MUC6: variants seen among roughly 807,000 people sequenced by gnomAD.
MUC6 encodes mucin 6, oligomeric mucus/gel-forming (gene/pseudogene).
In MUC6, 188 loss-of-function variants were observed where a neutral mutation model predicts 201.5. The ratio of observed to expected loss-of-function variants is 0.93; its 90% CI spans 0.83 to 1.05. The LOEUF (loss-of-function observed/expected upper bound fraction) is 1.05. MUC6 is among the 50% of genes least tolerant of loss of function. MUC6 has a pLI of 0.00. For missense variants in MUC6, 2,706 were observed against 3,256.9 expected, an observed-to-expected ratio of 0.83 and a Z score of 4.12; for synonymous variants, 1,228 against 1,389.4, an observed-to-expected ratio of 0.88 and a Z score of 2.58.
rs1856512516 is a variant in MUC6, at chr11:1,013,058, C to T, written c.*398G>A. On this transcript the variant is annotated 3_prime_UTR_variant, in exon 33 of 33. Transcript: ENST00000421673. Reference sequence around the variant, plus strand: ...CCCATCTCGGCACAGGTTTCCGTGCCCTCCTCGCCCCTGATGGGTCTGGTC... The same window carrying T: ...CCCATCTCGGCACAGGTTTCCGTGCTCTCCTCGCCCCTGATGGGTCTGGTC... 5.0e-6 allele frequency: 1 copy of T among 201,582 alleles called. No homozygotes were observed. The highest frequency in any genetic ancestry group is 1.0e-5 in the Non-Finnish European group (1 of 100,248). 12.5% of individuals were successfully genotyped at this position (201,582 alleles called of 1,614,324 possible).
chr11:1,035,909 C>T (rs1474117559), intron 1 of MUC6, among the ~76,000 whole-genome samples: 8 of 152,126 alleles, frequency 5.3e-5, no homozygotes. Flanking sequence ...CACAGAGGGA[C>T]CCCTTGGGGC....
At position 1,031,718 on chromosome 11, in the gene MUC6, G is replaced by A; in HGVS notation, c.372C>T (p.Pro124=). The change falls in exon 4 of 33, where the codon CCC becomes CCT. Residue 124 remains proline (P), a synonymous_variant. Coordinates refer to ENST00000421673, the MANE Select transcript of MUC6 (RefSeq NM_005961.3). ...TGATCTGGAGTCCATTGCTGGTATA[G>A]GGCAGGCTGATGACCCTGTGGGGCA... is the stretch of plus-strand genomic sequence containing the variant. ...SVKDIGVISL[P]YTSNGLQITP... The A allele has an allele frequency of 6.4e-7, 1 of 1,550,786 alleles. No individual in the cohort carries two copies. The highest frequency in any genetic ancestry group is 1.2e-5 in the South Asian group (1 of 84,066).
intron 7 of MUC6, 50 bp downstream of exon 7, chr11:1,030,523 T>G (rs1188135003): frequency 6.8e-7 from 1 of 1,463,144 alleles, no homozygotes; most frequent in Non-Finnish European, 9.0e-7. Flanking sequence ...GAGAGCTGGG[T>G]CTGGAGCCCT....
At chr11:1,034,793 G>A (rs561164438) in intron 1 of MUC6, among the ~76,000 whole-genome samples, 1 of 152,280 alleles carries the variant, frequency 6.6e-6, no homozygotes, top group African/African-American at 2.4e-5. Context: ...TGCCAGGCTG[G>A]CTTCACTGCC....
In MUC6 at chr11:1,015,963, C is replaced by A; in HGVS notation, c.6838G>T (p.Val2280Phe). 1.3e-6 allele frequency: 2 copies of A among 1,592,508 alleles called. No homozygotes were observed. The highest frequency in any genetic ancestry group is 8.6e-7 in the Non-Finnish European group (1 of 1,166,598). Residue 2280 changes from valine to phenylalanine, a missense_variant, in exon 31 of 33, where the codon GTT becomes TTT. Physicochemically the swap from Val to Phe is conservative, Grantham distance 50 (BLOSUM62 -1). Around this residue, in one of 10 missense-constraint regions of MUC6, gnomAD observed 586 missense variants for 488.0 expected, o/e 1.20. Coordinates refer to ENST00000421673, the MANE Select transcript of MUC6 (RefSeq NM_005961.3). Reference protein sequence around the residue: ...TSRSTSLTTRVPTSGFVSLTS... With the variant: ...TSRSTSLTTRFPTSGFVSLTS... ...AGTGACACAAAGCCTGATGTGGGAA[C>A]TCGGGTGGTGAGAGAAGTGGACCGC...
Position 1,028,634 on chromosome 11 carries a change from G to T in MUC6, c.1591+12C>A, listed in dbSNP as rs760058709. 2.5e-6 allele frequency: 4 copies of T among 1,605,208 alleles called. No individual in the cohort carries two copies. Among genetic ancestry groups the T allele is most frequent in the South Asian group, 2.2e-5 (2 of 89,516 alleles). On this transcript the variant is annotated intron_variant, in intron 13 of 32. Transcript: ENST00000421673. ...TGAGGCAACAGGGCCACCTGGAGAG[G>T]CAGGGACTCACCTCTGGTCTGACCT...
rs1006223913 is a variant in MUC6 at position 1,013,296 on chromosome 11, C to G, written c.*160G>C. 2.9e-6 allele frequency: 2 copies of G among 698,916 alleles called. No individual in the cohort carries two copies. The highest frequency in any genetic ancestry group is 2.8e-5 in the East Asian group (1 of 35,796). The allele number at this position is 698,916 out of a possible 1,614,324, so 43.3% of individuals were successfully genotyped here. A position where few individuals can be genotyped will look rare whatever the true frequency, so the allele number is the denominator to read the frequency against. The stretch of plus-strand genomic sequence containing the variant: ...TCTGAGCCCCTGCTTGGCAGCCCCT[C>G]TCCAACCGGTGCCCCAGGGAGCCAC... On this transcript the variant is annotated 3_prime_UTR_variant, in exon 33 of 33. Coordinates refer to ENST00000421673, the MANE Select transcript of MUC6 (RefSeq NM_005961.3).
chr11:1,027,308 T>C lies in MUC6; in HGVS notation c.2191A>G (p.Ile731Val). 6.2e-7 allele frequency: 1 copy of C among 1,612,860 alleles called. No homozygotes were observed. The highest frequency in any genetic ancestry group is 1.1e-5 in the South Asian group (1 of 91,076). Reference protein sequence around the residue: ...CPCILEGYKFILAEQSTVING... With the variant: ...CPCILEGYKFVLAEQSTVING... ...ATGACAGTGGACTGCTCGGCCAGGA[T>C]GAACTTGTAACCCTCCAGTATGCAC... The change falls in exon 17 of 33, where the codon ATC becomes GTC. Residue 731 changes from isoleucine to valine, a missense_variant. Physicochemically the swap from Ile to Val is conservative, Grantham distance 29. Coordinates refer to ENST00000421673, the MANE Select transcript of MUC6 (RefSeq NM_005961.3).
Position 1,026,147 on chromosome 11 carries a change from G to A in MUC6, c.2547-6C>T, listed in dbSNP as rs1856954203. 1.3e-6 allele frequency: 2 copies of A among 1,590,994 alleles called. No homozygotes were observed. The highest frequency in any genetic ancestry group is 1.7e-6 in the Non-Finnish European group (2 of 1,170,056). On this transcript the variant is annotated splice_region_variant and splice_polypyrimidine_tract_variant and intron_variant, in intron 20 of 32. Coordinates refer to ENST00000421673, the MANE Select transcript of MUC6 (RefSeq NM_005961.3). ...ACCTCCCCCTTGAGCAGGAGCTGTG[G>A]AGACAGCAGGTGTGGGTGGTGGGCC...
chr11:1,033,666 CCAGGG>C lies in MUC6; in HGVS notation c.53-596_53-592del, dbSNP rs1460290263. Among the ~76,000 whole-genome samples, 1 of 152,060 alleles carries C rather than the reference CCAGGG, an allele frequency of 6.6e-6. No homozygotes were observed. Among genetic ancestry groups the C allele is most frequent in the Admixed American group, 6.5e-5 (1 of 15,268 alleles). On this transcript the variant is annotated intron_variant, in intron 1 of 32. Transcript: ENST00000421673. This position sits in a 1 kb window ranked among gnomAD's most constrained non-coding sequence, Gnocchi z 5.6. ...TCCAGATAGCCCAGTCACGGTGACT[CCAGGG>C]CAGGGCAGCGGGGGACGTCCCACCC... is the stretch of plus-strand genomic sequence containing the variant.
chr11:1,025,912 C>A lies in MUC6; in HGVS notation c.2692G>T (p.Val898Phe). Residue 898 changes from valine to phenylalanine, a missense_variant, in exon 22 of 33, where the codon GTC becomes TTC. Physicochemically the swap from Val to Phe is conservative, Grantham distance 50. Around this residue, in one of 10 missense-constraint regions of MUC6, gnomAD observed 1,850 missense variants for 1,958.3 expected, o/e 0.94. Transcript: ENST00000421673. ...GGCTGTGAGTCGTTGACACCACAGA[C>A]GTCCTGCAGGGAGAGGGCGCTGAGG... Reference protein sequence around the residue: ...GNCEYILATDVCGVNDSQPTF... With the variant: ...GNCEYILATDFCGVNDSQPTF... 1 of 1,609,740 alleles carries A rather than the reference C, an allele frequency of 6.2e-7. No homozygotes were observed. The highest frequency in any genetic ancestry group is 8.5e-7 in the Non-Finnish European group (1 of 1,178,472).
At chr11:1,029,765 C>T in intron 8 of MUC6, 150 bp from the exon 9 acceptor site, 1 of 1,129,778 alleles carries the variant, frequency 8.9e-7, no homozygotes, top group Non-Finnish European at 1.2e-6. Context: ...CAGCCTGGCT[C>T]CAGGGAGACG....
chr11:1,036,149 C>G (rs1391869198), intron 1 of MUC6, among the ~76,000 whole-genome samples: 2 of 152,008 alleles, frequency 1.3e-5, no homozygotes, highest in African/African-American at 2.4e-5. Context: ...CAGCGTCCCC[C>G]ACTTCTGTAG....
rs71464128 is a variant in MUC6 at position 1,031,058 on chromosome 11, TGG to T, written c.575-4_575-3del. 1.9e-6 allele frequency: 3 copies of T among 1,559,388 alleles called. No individual in the cohort carries two copies. Among genetic ancestry groups the T allele is most frequent in the Non-Finnish European group, 2.6e-6 (3 of 1,154,078 alleles). ...ACTTGTGGGGTTCCAGGAACTTGCC[TGG>T]GGTGCAGAATGGGGGTCAGCACCGT... On this transcript the variant is annotated splice_region_variant and splice_polypyrimidine_tract_variant and intron_variant, in intron 5 of 32. Transcript: ENST00000421673.
chr11:1,029,460 CGGCCGG>C, intron 9 of MUC6, 29 bp downstream of exon 9: 2 of 1,608,992 alleles, frequency 1.2e-6, no homozygotes, highest in Non-Finnish European at 1.7e-6. Context: ...GAACCCCTGC[CGGCCGG>C]CCAGAGCCCC....
intron 25 of MUC6, 47 bp from the exon 26 acceptor site, chr11:1,023,699 C>G: frequency 1.9e-6 from 3 of 1,604,494 alleles, no homozygotes; most frequent in Admixed American, 1.7e-5. Flanking sequence ...GGCCCTGGCC[C>G]TGGCCCTGAC....
chr11:1,024,032 C>T lies in MUC6; in HGVS notation c.3297G>A (p.Glu1099=), dbSNP rs745311492. The T allele has an allele frequency of 1.3e-5, 21 of 1,611,306 alleles. No individual in the cohort carries two copies. Among genetic ancestry groups the T allele is most frequent in the Non-Finnish European group, 1.7e-5 (20 of 1,179,330 alleles). Residue 1099 remains glutamate, a synonymous_variant, in exon 25 of 33, where the codon GAG becomes GAA. Coordinates refer to ENST00000421673, the MANE Select transcript of MUC6 (RefSeq NM_005961.3). ...AGGCAGCCACGGCATCGCACAGACA[C>T]TCACAGTCCCCGCCACTGTCACACC... is the stretch of plus-strand genomic sequence containing the variant. The part of the protein sequence containing the change: ...ACGCDSGGDC[E]CLCDAVAAYA...
At position 1,026,363 on chromosome 11, in the gene MUC6, G is replaced by C; in HGVS notation, c.2510C>G (p.Pro837Arg). The change falls in exon 20 of 33, where the codon CCT becomes CGT. Residue 837 changes from proline (P) to arginine (R), a missense_variant. By Grantham distance (103) the Pro-to-Arg change is moderately radical. Coordinates refer to ENST00000421673, the MANE Select transcript of MUC6 (RefSeq NM_005961.3). ...CPCEFSGVSYPGGAELHTDCR... is the reference protein window; with the variant it reads ...CPCEFSGVSYRGGAELHTDCR... Reference sequence around the variant, plus strand: ...GTCAGTGTGGAGCTCAGCTCCTCCAGGGTAGGAGACCCCCGAGAACTCACA... The same window carrying C: ...GTCAGTGTGGAGCTCAGCTCCTCCACGGTAGGAGACCCCCGAGAACTCACA... The C allele has an allele frequency of 1.2e-6, 2 of 1,602,334 alleles. No homozygotes were observed. Among genetic ancestry groups the C allele is most frequent in the Non-Finnish European group, 1.7e-6 (2 of 1,175,064 alleles).
chr11:1,030,625 C>T lies in MUC6; in HGVS notation c.840G>A (p.Gln280=). Residue 280 remains glutamine (Q), a synonymous_variant, in exon 7 of 33, where the codon CAG becomes CAA. Coordinates refer to ENST00000421673, the MANE Select transcript of MUC6 (RefSeq NM_005961.3). ...GGACCGGCTGGCCCACCATGCTGCACTGGCGGGAGTACTCCGACAGGGTGG... is the reference window on the plus strand; with the variant it reads ...GGACCGGCTGGCCCACCATGCTGCATTGGCGGGAGTACTCCGACAGGGTGG... The part of the protein sequence containing the change: ...SCATLSEYSR[Q]CSMVGQPVRR... 2 of 1,533,774 alleles carry T rather than the reference C, an allele frequency of 1.3e-6. No individual in the cohort carries two copies. Among genetic ancestry groups the T allele is most frequent in the Non-Finnish European group, 1.8e-6 (2 of 1,140,640 alleles).
Sources: gnomAD v4.1 joint callset for allele counts (sites outside exome capture counted in the v4.1 genomes callset) on GRCh38, gnomAD v4.1.1 for gene constraint, gnomAD v4.1.1 regional missense constraint, Gnocchi (gnomAD v3.1) non-coding constraint, MANE v1.5 for transcripts, NCBI Gene and HGNC (gene_info 2026-07-23, HGNC 2026-07-21) for gene names.